SPON2: variants seen among roughly 807,000 people sequenced by gnomAD.
SPON2 encodes the protein spondin-2.
In SPON2, 32 loss-of-function variants were observed where a neutral mutation model predicts 29.9. The ratio of observed to expected loss-of-function variants is 1.07; its 90% confidence interval spans 0.81 to 1.44. SPON2 has a LOEUF of 1.44. SPON2 is among the 40% of genes most tolerant of loss of function. The pLI, the probability that SPON2 is intolerant of heterozygous loss-of-function variation, is 0.00. For missense variants in SPON2, 541 were observed against 455.5 expected (o/e 1.19, Z -1.71); for synonymous variants, 248 against 209.1 (o/e 1.19, Z -1.61).
At chr4:1,167,699 AGAG>A in intron 5 of SPON2, 43 bp from the exon 6 acceptor site, 1 of 1,536,870 alleles carries the variant, frequency 6.5e-7, no homozygotes, top group Non-Finnish European at 8.8e-7. Flanking sequence ...GCTCGCGTGA[AGAG>A]GCGCTTCGTA....
intron 4 of SPON2, 35 bp from the exon 5 acceptor site, chr4:1,170,611 C>T (rs564436578): frequency 1.3e-5 from 20 of 1,583,152 alleles, no homozygotes; most frequent in Middle Eastern, 1.7e-4. Flanking sequence ...GCCTGGGGTC[C>T]GAGAAGCCCA....
chr4:1,200,967 G>T (rs1336448992), intron 1 of SPON2: 1 of 456,640 alleles, frequency 2.2e-6, no homozygotes, highest in East Asian at 6.9e-5. Context: ...AGACCTGTAC[G>T]CCAGGGCCTT....
At chr4:1,173,862 C>T (rs75654334), upstream of SPON2, among the ~76,000 whole-genome samples, 17,591 of 152,264 alleles carry the variant, frequency 0.12, 1,039 homozygotes, top group East Asian at 0.18. Flanking sequence ...TTTCCACCTC[C>T]GTGCTTCTCA....
At chr4:1,181,826 G>C (rs1187786182) in intron 1 of SPON2, among the ~76,000 whole-genome samples, 1 of 152,208 alleles carries the variant, frequency 6.6e-6, no homozygotes, top group Non-Finnish European at 1.5e-5. Context: ...CTGATCACAA[G>C]AGTGCAAAGA....
rs146707934 is a variant in SPON2, at chr4:1,172,039, G to C, written c.33C>G (p.Gly11=). ...CCAGGAGGAGAGCGCAGAGGGCCTT[G>C]CCCAGGGCGGCGGCCGGGCTGGGGT... The part of the protein sequence containing the change: MENPSPAAAL[G]KALCALLLAT... The change falls in exon 2 of 6, where the codon GGC becomes GGG. Residue 11 remains glycine (G), a synonymous_variant. Coordinates refer to ENST00000290902, the MANE Select transcript of SPON2 (RefSeq NM_012445.4). 1.6e-5 allele frequency: 26 copies of C among 1,612,106 alleles called. No individual in the cohort carries two copies. The highest frequency in any genetic ancestry group is 3.3e-5 in the Admixed American group (2 of 59,974).
intron 1 of SPON2, among the ~76,000 whole-genome samples, chr4:1,186,126 C>T (rs1457520113): frequency 5.3e-5 from 8 of 151,072 alleles, no homozygotes; most frequent in African/African-American, 1.7e-4. Flanking sequence ...CGCCTGTAGT[C>T]CCAGCTACTC....
chr4:1,200,490 G>A (rs531054249), intron 1 of SPON2, among the ~76,000 whole-genome samples: 1 of 152,296 alleles, frequency 6.6e-6, no homozygotes, highest in African/African-American at 2.4e-5. Flanking sequence ...AGGCTCAGCG[G>A]GGGCGGGGGC....
chr4:1,174,393 A>G (rs1727546541), upstream of SPON2, among the ~76,000 whole-genome samples: 1 of 150,260 alleles, frequency 6.7e-6, no homozygotes, highest in South Asian at 2.2e-4. Context: ...AGGCTGAGGC[A>G]GGAGAATTTC....
chr4:1,201,444 C>T (rs1442064417), intron 1 of SPON2: 5 of 206,464 alleles, frequency 2.4e-5, no homozygotes, highest in Non-Finnish European at 3.0e-5. Flanking sequence ...CCCCAAACCA[C>T]GCAGGGAGGG....
chr4:1,187,997 T>C (rs1273451120), intron 1 of SPON2, among the ~76,000 whole-genome samples: 1 of 151,790 alleles, frequency 6.6e-6, no homozygotes, highest in Non-Finnish European at 1.5e-5. Context: ...AGGTCAGGAA[T>C]TTAAGACAAG....
intron 1 of SPON2, chr4:1,201,445 G>A (rs1160519473): frequency 1.9e-5 from 4 of 207,946 alleles, no homozygotes; most frequent in South Asian, 1.3e-4. Flanking sequence ...CCCAAACCAC[G>A]CAGGGAGGGA....
rs1190104661 is a variant in SPON2 at position 1,171,859 on chromosome 4, C to G, written c.213G>C (p.Ser71=). ...PLFRPPAQWS[S]LLGAAHSSDY... ...GGAGGGGGCTGTACTTACCCAGCAG[C>G]GAAGACCACTGCGCAGGGGGGCGGA... Residue 71 remains serine, a synonymous_variant, in exon 2 of 6, where the codon TCG becomes TCC. Coordinates refer to ENST00000290902, the MANE Select transcript of SPON2 (RefSeq NM_012445.4). 1.2e-6 allele frequency: 2 copies of G among 1,611,644 alleles called. No individual in the cohort carries two copies. The highest frequency in any genetic ancestry group is 2.7e-5 in the African/African-American group (2 of 74,886).
chr4:1,191,955 C>T (rs1010797206), intron 1 of SPON2, among the ~76,000 whole-genome samples: 8 of 152,188 alleles, frequency 5.3e-5, no homozygotes, highest in Admixed American at 1.3e-4. Context: ...GGCTGGTGGC[C>T]GCAGACCACT....
At chr4:1,195,318 C>T (rs1040453380), upstream of SPON2, among the ~76,000 whole-genome samples, 1 of 152,174 alleles carries the variant, frequency 6.6e-6, no homozygotes, top group African/African-American at 2.4e-5. Flanking sequence ...ACTTCGCTCT[C>T]CCCCATCCAC....
chr4:1,173,611 C>G (rs1043452554), upstream of SPON2, among the ~76,000 whole-genome samples: 2 of 152,242 alleles, frequency 1.3e-5, no homozygotes, highest in African/African-American at 4.8e-5. Flanking sequence ...TGGTCTTGCT[C>G]AATCCTTCCC....
Position 1,202,773 on chromosome 4 carries a change from A to G in SPON2, c.-234+5107T>C, listed in dbSNP as rs368403990. Reference sequence around the variant, plus strand: ...TGCCTGGGCCCCAAGGCTGTCAGCAACATGCTTTGAAATCTGGGTGCAGGC... The same window carrying G: ...TGCCTGGGCCCCAAGGCTGTCAGCAGCATGCTTTGAAATCTGGGTGCAGGC... On this transcript the variant is annotated intron_variant, in intron 1 of 3. Coordinates refer to the SPON2 transcript ENST00000509233. The surrounding 1 kb of genome is among the most constrained non-coding windows in gnomAD (Gnocchi z 5.4). Among the ~76,000 whole-genome samples the G allele has an allele frequency of 1.2e-4, 18 of 152,254 alleles. No homozygotes were observed. The East Asian group carries it at 3.5e-3, about 30-fold the overall frequency.
At chr4:1,188,841 G>A (rs930494638) in intron 1 of SPON2, among the ~76,000 whole-genome samples, 7 of 152,122 alleles carry the variant, frequency 4.6e-5, no homozygotes, top group East Asian at 3.9e-4. Flanking sequence ...CTTGGCAGAC[G>A]TCTGTAGAAT....
intron 1 of SPON2, among the ~76,000 whole-genome samples, chr4:1,206,748 G>A (rs190181052): frequency 9.1e-4 from 139 of 152,308 alleles, no homozygotes; most frequent in African/African-American, 3.0e-3. Context: ...CAGAAGAGCC[G>A]GGACCCCGCC....
rs933803505 is a variant in SPON2 at position 1,202,614 on chromosome 4, GC to G, written c.-234+5265del. 1.3e-5 allele frequency among the ~76,000 whole-genome samples: 2 copies of G among 152,076 alleles called. No individual in the cohort carries two copies. Among genetic ancestry groups the G allele is most frequent in the Non-Finnish European group, 2.9e-5 (2 of 67,992 alleles). On this transcript the variant is annotated intron_variant, in intron 1 of 3. Transcript: ENST00000509233. The surrounding 1 kb of genome is among the most constrained non-coding windows in gnomAD (Gnocchi z 5.4). ...GCTCATGGGTCGGAGTCTCCTGCCT[GC>G]CGCTCTCCCAGGCTGTGCTTGCTCG...
Sources: allele counts gnomAD v4.1 joint callset (sites outside exome capture counted in the v4.1 genomes callset), GRCh38; gene constraint gnomAD v4.1.1; non-coding constraint Gnocchi (gnomAD v3.1); transcripts MANE v1.5; gene names NCBI Gene and HGNC (gene_info 2026-07-23, HGNC 2026-07-21).